Variants in SHE observed in about 807,000 individuals in gnomAD.
The protein encoded by SHE is SH2 domain-containing adapter protein E.
A neutral mutation model predicts 49.8 loss-of-function variants in SHE; 11 were observed. The ratio of observed to expected loss-of-function variants is 0.22; its 90% CI spans 0.14 to 0.37. SHE has a LOEUF of 0.37. Among genes scored for constraint, SHE ranks in the 10% least tolerant of loss-of-function variants. The pLI, the probability that SHE is intolerant of heterozygous loss-of-function variation, is 1.00. For synonymous variants in SHE, 310 were observed against 278.1 expected (o/e 1.11, Z -1.14); for missense variants, 624 against 655.5 (o/e 0.95, Z 0.52).
chr1:154,479,293 T>C (rs1314805839), downstream of SHE, among the ~76,000 whole-genome samples: 1 of 152,138 alleles, frequency 6.6e-6, no homozygotes, highest in African/African-American at 2.4e-5. Flanking sequence ...AAAAACATAA[T>C]AGAAGGACTC....
At chr1:154,472,959 C>G (rs1691779307) in intron 1 of SHE, among the ~76,000 whole-genome samples, 1 of 151,956 alleles carries the variant, frequency 6.6e-6, no homozygotes, top group African/African-American at 2.4e-5. Context: ...GCCAGGAGTT[C>G]AAGACGAGCC....
chr1:154,488,980 C>A (rs1166388792), intron 3 of SHE, 71 bp downstream of exon 3: 2 of 1,492,102 alleles, frequency 1.3e-6, no homozygotes, highest in African/African-American at 2.8e-5. Context: ...AGGAAAAAAA[C>A]AAATGTGGGG....
intron 3 of SHE, among the ~76,000 whole-genome samples, chr1:154,487,811 A>G (rs574529190): frequency 6.1e-4 from 92 of 150,428 alleles, no homozygotes; most frequent in African/African-American, 2.2e-3. Flanking sequence ...GATCACACCA[A>G]CGCACTCCAG....
intron 2 of SHE, among the ~76,000 whole-genome samples, chr1:154,498,532 G>C (rs1231487414): frequency 6.6e-6 from 1 of 151,744 alleles, no homozygotes; most frequent in Admixed American, 6.6e-5. Flanking sequence ...CAAATAGCTG[G>C]GATTACAGGT....
At chr1:154,472,445 T>C (rs548393232) in intron 1 of SHE, among the ~76,000 whole-genome samples, 1 of 152,326 alleles carries the variant, frequency 6.6e-6, no homozygotes, top group East Asian at 1.9e-4. Flanking sequence ...TAGAAAGCTA[T>C]ATAAGCTGCC....
chr1:154,487,706 C>T (rs969118657), intron 3 of SHE, among the ~76,000 whole-genome samples: 5 of 151,000 alleles, frequency 3.3e-5, no homozygotes, highest in African/African-American at 4.9e-5. Context: ...AAGAATAATC[C>T]GGGAGTGGTG....
chr1:154,499,152 G>A lies in SHE; in HGVS notation c.678C>T (p.Asp226=), dbSNP rs745452697. Residue 226 remains aspartate, a synonymous_variant, in exon 2 of 6, where the codon GAC becomes GAT. Transcript: ENST00000304760. ...GTGCATCATATGGTTCCATGTAACC[G>A]TCGTTCTCTCCGACTCTCTCTGCAT... ...QRDAERVGEN[D]GYMEPYDAQQ... 6.8e-6 allele frequency: 11 copies of A among 1,614,128 alleles called. No homozygotes were observed. Among genetic ancestry groups the A allele is most frequent in the Admixed American group, 1.7e-5 (1 of 60,020 alleles).
chr1:154,480,072 A>T lies in SHE; in HGVS notation c.*4077T>A. 1.3e-5 allele frequency: 13 copies of T among 985,530 alleles called. No individual in the cohort carries two copies. The highest frequency in any genetic ancestry group is 1.3e-5 in the Non-Finnish European group (11 of 829,950). 61.0% of individuals were successfully genotyped at this position (985,530 alleles called of 1,614,324 possible). A position where few individuals can be genotyped will look rare whatever the true frequency, so the allele number is the denominator to read the frequency against. ...CAGCGGTGGAGGGTAAGTTGAACAG[A>T]AGGCCCACTGCACAGCAGGCCAAGT... On this transcript the variant is annotated 3_prime_UTR_variant, in exon 6 of 6. Coordinates refer to ENST00000304760, the MANE Select transcript of SHE (RefSeq NM_001010846.3).
intron 2 of SHE, among the ~76,000 whole-genome samples, chr1:154,498,110 G>C (rs1349119927): frequency 6.6e-6 from 1 of 151,518 alleles, no homozygotes. Flanking sequence ...TGTTTTTTTT[G>C]AGACGGAGTT....
rs75391565 is a variant in SHE, at chr1:154,483,237, G to C, written c.*912C>G. Reference sequence around the variant, plus strand: ...AAAAATGAGAAAATCCACAGAGATTGAGAGAACACACACTTTCTTGGAAAG... The same window carrying C: ...AAAAATGAGAAAATCCACAGAGATTCAGAGAACACACACTTTCTTGGAAAG... On this transcript the variant is annotated 3_prime_UTR_variant, in exon 6 of 6. Coordinates refer to ENST00000304760, the MANE Select transcript of SHE (RefSeq NM_001010846.3). 2.3e-3 allele frequency: 2,279 copies of C among 985,386 alleles called. 5 individuals are homozygous for C. Among genetic ancestry groups the C allele is most frequent in the Middle Eastern group, 2.6e-3 (5 of 1,914 alleles). The allele number at this position is 985,386 out of a possible 1,614,324, so 61.0% of individuals were successfully genotyped here. A position where few individuals can be genotyped will look rare whatever the true frequency, so the allele number is the denominator to read the frequency against.
At position 154,481,121 on chromosome 1, in the gene SHE, C is replaced by CA. The variant is rs1424412696; in HGVS notation, c.*3027dup. 1 of 985,304 alleles carries CA rather than the reference C, an allele frequency of 1.0e-6. No homozygotes were observed. Among genetic ancestry groups the CA allele is most frequent in the Non-Finnish European group, 1.2e-6 (1 of 829,946 alleles). The allele number at this position is 985,304 out of a possible 1,614,324, so 61.0% of individuals were successfully genotyped here. On this transcript the variant is annotated 3_prime_UTR_variant, in exon 6 of 6. Coordinates refer to ENST00000304760, the MANE Select transcript of SHE (RefSeq NM_001010846.3). ...CATTCAGAGCTCAGAGAACATGTCA[C>CA]AGAGCTTCAGATCAGCTGGCCATGG...
chr1:154,496,279 G>T (rs1692527882), intron 2 of SHE, among the ~76,000 whole-genome samples: 1 of 152,206 alleles, frequency 6.6e-6, no homozygotes, highest in Non-Finnish European at 1.5e-5. Context: ...CACTAGTTTA[G>T]AAAGTTAGTA....
rs542844920 is a variant in SHE at position 154,483,779 on chromosome 1, G to A, written c.*370C>T. 8.1e-6 allele frequency: 8 copies of A among 988,718 alleles called. No individual in the cohort carries two copies. The East Asian group carries it at 6.5e-4, about 80-fold the overall frequency. The allele number at this position is 988,718 out of a possible 1,614,324, so 61.2% of individuals were successfully genotyped here. The stretch of plus-strand genomic sequence containing the variant: ...GACTGAGGTGGGTGGATCATTTGAG[G>A]TCAGGAGTTTGAGACCAGCCTGACG... On this transcript the variant is annotated 3_prime_UTR_variant, in exon 6 of 6. Coordinates refer to ENST00000304760, the MANE Select transcript of SHE (RefSeq NM_001010846.3).
At chr1:154,488,904 G>C in intron 3 of SHE, 147 bp downstream of exon 3, 1 of 1,132,920 alleles carries the variant, frequency 8.8e-7, no homozygotes, top group Non-Finnish European at 1.2e-6. Flanking sequence ...TTCTTTCAAT[G>C]GTCATTTCAG....
At chr1:154,497,793 G>A (rs753437481) in intron 2 of SHE, among the ~76,000 whole-genome samples, 6 of 151,106 alleles carry the variant, frequency 4.0e-5, no homozygotes, top group Non-Finnish European at 5.9e-5. Flanking sequence ...TGATTCTCCT[G>A]CCTCAGCCTC....
At chr1:154,477,563 T>G (rs1691907421), downstream of SHE, among the ~76,000 whole-genome samples, 1 of 152,188 alleles carries the variant, frequency 6.6e-6, no homozygotes, top group South Asian at 2.1e-4. Flanking sequence ...CATATTGTTG[T>G]GCACCCAATC....
chr1:154,472,648 G>C (rs1424237243), intron 1 of SHE, among the ~76,000 whole-genome samples: 1 of 152,232 alleles, frequency 6.6e-6, no homozygotes, highest in Non-Finnish European at 1.5e-5. Flanking sequence ...AGTAGCATGA[G>C]TGTAAGTTAC....
At chr1:154,495,375 G>C (rs1179626072) in intron 2 of SHE, among the ~76,000 whole-genome samples, 1 of 152,104 alleles carries the variant, frequency 6.6e-6, no homozygotes, top group African/African-American at 2.4e-5. Flanking sequence ...ATATTGCCTT[G>C]TATTCAGTCA....
At chr1:154,487,081 G>A (rs1692202950) in intron 3 of SHE, among the ~76,000 whole-genome samples, 1 of 152,040 alleles carries the variant, frequency 6.6e-6, no homozygotes, top group African/African-American at 2.4e-5. Context: ...AGACCATCCT[G>A]GCTAACCTGG....
Sources: allele counts gnomAD v4.1 joint callset (sites outside exome capture counted in the v4.1 genomes callset), GRCh38; gene constraint gnomAD v4.1.1; transcripts MANE v1.5; gene names NCBI Gene and HGNC (gene_info 2026-07-23, HGNC 2026-07-21).